Variants in DDX39B observed in about 807,000 individuals in gnomAD.
DDX39B encodes the protein DExD-box helicase 39B.
Under a neutral mutation model 46.4 loss-of-function variants are expected in DDX39B, and 6 were observed. The observed-to-expected ratio is 0.13, with a 90% CI of 0.07 to 0.26. The LOEUF is 0.26. Ranked by LOEUF, DDX39B falls within the 10% of genes least tolerant of loss-of-function variation. The probability of loss-of-function intolerance (pLI) is 1.00; values close to 1 mark genes in which losing one functional copy is unlikely to be tolerated. For missense variants in DDX39B, 185 were observed against 553.4 expected (o/e 0.33, Z 6.68); for synonymous variants, 174 against 199.4 (o/e 0.87, Z 1.07).
chr6:31,541,465 A>G, intron 1 of DDX39B: 1 of 376,570 alleles, frequency 2.7e-6, no homozygotes, highest in Middle Eastern at 7.3e-4. Context: ...AATGACACCA[A>G]TCGTATCGTA....
In DDX39B at chr6:31,540,502, A is replaced by G; in HGVS notation, c.31T>C (p.Leu11=). MAENDVDNEL[L]DYEDDEVETA... ...TCCACCTCATCATCTTCATAGTCCAAGAGCTCATTGTCCACATCGTTCTCT... is the reference window on the plus strand; with the variant it reads ...TCCACCTCATCATCTTCATAGTCCAGGAGCTCATTGTCCACATCGTTCTCT... Residue 11 remains leucine (L), a synonymous_variant, in exon 2 of 11, where the codon TTG becomes CTG. Coordinates refer to ENST00000396172, the MANE Select transcript of DDX39B (RefSeq NM_004640.7). 1 of 1,614,154 alleles carries G rather than the reference A, an allele frequency of 6.2e-7. No individual in the cohort carries two copies.
At position 31,531,254 on chromosome 6, in the gene DDX39B, T is replaced by C; in HGVS notation, c.977+42A>G. 6.2e-7 allele frequency: 1 copy of C among 1,614,106 alleles called. No homozygotes were observed. Among genetic ancestry groups the C allele is most frequent in the South Asian group, 1.1e-5 (1 of 91,072 alleles). On this transcript the variant is annotated intron_variant, in intron 8 of 10. Transcript: ENST00000396172. This position sits in a 1 kb window ranked among gnomAD's most constrained non-coding sequence, Gnocchi z 5.8. ...AGATTCCCTTCTCTCAACTGTCTTT[T>C]TCTCCCAAGGACACAAAATATCTTT... is the stretch of plus-strand genomic sequence containing the variant.
chr6:31,540,110 T>C (rs1275823749), intron 2 of DDX39B, among the ~76,000 whole-genome samples: 2 of 152,220 alleles, frequency 1.3e-5, no homozygotes, highest in Admixed American at 6.5e-5. Context: ...CTCGCTGTGT[T>C]GCCCAGGCTT....
intron 4 of DDX39B, 97 bp downstream of exon 4, chr6:31,538,665 TA>T: frequency 8.6e-7 from 1 of 1,156,594 alleles, no homozygotes; most frequent in Non-Finnish European, 1.2e-6. Flanking sequence ...CACAGCAAAC[TA>T]AAGCTTCTCC....
At chr6:31,532,294 A>C in intron 7 of DDX39B, 1 of 155,978 alleles carries the variant, frequency 6.4e-6, no homozygotes, top group Admixed American at 6.1e-5. Flanking sequence ...GCTGGAGCAC[A>C]GTAGTGCAAT....
At position 31,541,931 on chromosome 6, in the gene DDX39B, A is replaced by T. The variant is rs537694198; in HGVS notation, c.-133+19T>A. On this transcript the variant is annotated intron_variant, in intron 1 of 10. Transcript: ENST00000396172. Reference sequence around the variant, plus strand: ...AGAAGCGCAGATGGAAACGGATTGTAGCGAAGGCCAAAGCTTACCTAAACA... The same window carrying T: ...AGAAGCGCAGATGGAAACGGATTGTTGCGAAGGCCAAAGCTTACCTAAACA... 2 of 647,558 alleles carry T rather than the reference A, an allele frequency of 3.1e-6. No individual in the cohort carries two copies. The highest frequency in any genetic ancestry group is 5.7e-6 in the Non-Finnish European group (2 of 351,558). The allele number at this position is 647,558 out of a possible 1,614,324, so 40.1% of individuals were successfully genotyped here.
intron 1 of DDX39B, chr6:31,541,219 G>A (rs1320566495): frequency 3.7e-6 from 2 of 533,390 alleles, no homozygotes; most frequent in Non-Finnish European, 7.7e-6. Flanking sequence ...CCACTTCTCA[G>A]TATCCTCCCT....
At chr6:31,540,859 G>A (rs1229924322) in intron 1 of DDX39B, 195 bp from the exon 2 acceptor site, 1 of 448,780 alleles carries the variant, frequency 2.2e-6, no homozygotes, top group East Asian at 4.2e-5. Context: ...TAGGACAGAG[G>A]TTCCCAACAA....
At chr6:31,533,987 C>A (rs922227744) in intron 6 of DDX39B, 4 of 152,310 alleles carry the variant, frequency 2.6e-5, no homozygotes, top group African/African-American at 9.7e-5. Flanking sequence ...AAACCAGAAG[C>A]CCAATCCCAG....
rs539629605 is a variant in DDX39B at position 31,532,873 on chromosome 6, C to T, written c.774G>A (p.Thr258=). The change falls in exon 7 of 11, where the codon ACG becomes ACA. Residue 258 remains threonine (T), a synonymous_variant. Transcript: ENST00000396172. ...EIFVDDETKL[T]LHGLQQYYVK... The stretch of plus-strand genomic sequence containing the variant: ...CGTAGTACTGCTGCAACCCATGCAG[C>T]GTCAACTTCGTCTCATCATCCACGA... 5 of 1,600,542 alleles carry T rather than the reference C, an allele frequency of 3.1e-6. No individual in the cohort carries two copies. Among genetic ancestry groups the T allele is most frequent in the South Asian group, 1.1e-5 (1 of 90,836 alleles).
intron 1 of DDX39B, chr6:31,541,569 G>A: frequency 6.5e-6 from 3 of 460,056 alleles, no homozygotes; most frequent in Non-Finnish European, 9.0e-6. Flanking sequence ...CAGTCCCACC[G>A]AGGGCCGAGA....
At position 31,535,323 on chromosome 6, in the gene DDX39B, C is replaced by G. The variant is rs772871039; in HGVS notation, c.735+44G>C. ...GAAGAGGGCGAGGAAGGGGAGGAGG[C>G]AGCGGGCGGGGAGTGGAGGGAGAGA... On this transcript the variant is annotated intron_variant, in intron 6 of 10. Transcript: ENST00000396172. This position sits in a 1 kb window ranked among gnomAD's most constrained non-coding sequence, Gnocchi z 4.6. The G allele has an allele frequency of 2.5e-6, 4 of 1,569,406 alleles. No homozygotes were observed. Among genetic ancestry groups the G allele is most frequent in the Non-Finnish European group, 3.5e-6 (4 of 1,140,148 alleles).
intron 1 of DDX39B, 148 bp downstream of exon 1, chr6:31,541,802 G>A (rs923286060): frequency 7.5e-6 from 5 of 664,458 alleles, no homozygotes; most frequent in Admixed American, 2.3e-5. Context: ...CTTTGCTCTC[G>A]AAAGGGATGC....
chr6:31,530,426 C>T lies in DDX39B; in HGVS notation c.*8G>A, dbSNP rs10819. On this transcript the variant is annotated 3_prime_UTR_variant, in exon 11 of 11. Coordinates refer to ENST00000396172, the MANE Select transcript of DDX39B (RefSeq NM_004640.7). This position sits in a 1 kb window ranked among gnomAD's most constrained non-coding sequence, Gnocchi z 4.5. Reference sequence around the variant, plus strand: ...ACAGACGGTCACATTCCAAAATGGGCGAGTCTTCTACCGTGTCTGTTCAAC... The same window carrying T: ...ACAGACGGTCACATTCCAAAATGGGTGAGTCTTCTACCGTGTCTGTTCAAC... The T allele has an allele frequency of 7.8e-5, 125 of 1,612,572 alleles. No individual in the cohort carries two copies. The African/African-American group carries it at 1.3e-3, about 17-fold the overall frequency.
intron 2 of DDX39B, among the ~76,000 whole-genome samples, chr6:31,540,056 A>C (rs534730723): frequency 3.3e-5 from 5 of 152,264 alleles, no homozygotes; most frequent in African/African-American, 1.2e-4. Context: ...TGAAGCCTCA[A>C]CCTTCACCTG....
chr6:31,531,282 C>A lies in DDX39B; in HGVS notation c.977+14G>T, dbSNP rs1387429551. Reference sequence around the variant, plus strand: ...TCCCAAGGACACAAAATATCTTTCCCATCTTCAGCTCACCTCTCCTCCTGG... The same window carrying A: ...TCCCAAGGACACAAAATATCTTTCCAATCTTCAGCTCACCTCTCCTCCTGG... On this transcript the variant is annotated intron_variant, in intron 8 of 10. Transcript: ENST00000396172. This position sits in a 1 kb window ranked among gnomAD's most constrained non-coding sequence, Gnocchi z 5.8. 1 of 1,614,130 alleles carries A rather than the reference C, an allele frequency of 6.2e-7. No homozygotes were observed.
In DDX39B at chr6:31,535,151, AC is replaced by A; in HGVS notation, c.735+215del. 1 of 607,446 alleles carries A rather than the reference AC, an allele frequency of 1.6e-6. No homozygotes were observed. Among genetic ancestry groups the A allele is most frequent in the South Asian group, 1.9e-5 (1 of 51,496 alleles). 37.6% of individuals were successfully genotyped at this position (607,446 alleles called of 1,614,324 possible). A position where few individuals can be genotyped will look rare whatever the true frequency, so the allele number is the denominator to read the frequency against. The stretch of plus-strand genomic sequence containing the variant: ...TCGAACACTACCCGCTCTCACATTA[AC>A]CCGACCAAGTCTTCCGGAGTTTCCC... On this transcript the variant is annotated intron_variant, in intron 6 of 10. Transcript: ENST00000396172. The surrounding 1 kb of genome is among the most constrained non-coding windows in gnomAD (Gnocchi z 4.6).
rs1767716837 is a variant in DDX39B, at chr6:31,535,816, C to T, written c.617-331G>A. Among the ~76,000 whole-genome samples, 1 of 152,126 alleles carries T rather than the reference C, an allele frequency of 6.6e-6. No individual in the cohort carries two copies. Among genetic ancestry groups the T allele is most frequent in the South Asian group, 2.1e-4 (1 of 4,832 alleles). On this transcript the variant is annotated intron_variant, in intron 5 of 10. Coordinates refer to ENST00000396172, the MANE Select transcript of DDX39B (RefSeq NM_004640.7). This position sits in a 1 kb window ranked among gnomAD's most constrained non-coding sequence, Gnocchi z 4.6. ...CCAGCCTTCAGCAGACTACAAATAT[C>T]AAGCACATATTATATTCCAGATATC...
In DDX39B at chr6:31,530,334, T is replaced by C; in HGVS notation, c.*100A>G. On this transcript the variant is annotated 3_prime_UTR_variant, in exon 11 of 11. Transcript: ENST00000396172. This position sits in a 1 kb window ranked among gnomAD's most constrained non-coding sequence, Gnocchi z 4.5. ...GATGCAAAAGATGGAAGCCATGGGGTGGGGGCTGTCAGGGGTGGGGGCAGT... is the reference window on the plus strand; with the variant it reads ...GATGCAAAAGATGGAAGCCATGGGGCGGGGGCTGTCAGGGGTGGGGGCAGT... 1.5e-6 allele frequency: 2 copies of C among 1,340,742 alleles called. No homozygotes were observed. The highest frequency in any genetic ancestry group is 1.3e-5 in the South Asian group (1 of 77,102). The allele number at this position is 1,340,742 out of a possible 1,614,324, so 83.1% of individuals were successfully genotyped here.
Sources: allele counts gnomAD v4.1 joint callset (sites outside exome capture counted in the v4.1 genomes callset), GRCh38; gene constraint gnomAD v4.1.1; non-coding constraint Gnocchi (gnomAD v3.1); transcripts MANE v1.5; gene names NCBI Gene and HGNC (gene_info 2026-07-23, HGNC 2026-07-21).